The following SCN2A variants were observed in gnomAD, a reference collection of about 807,000 sequenced individuals.
SCN2A encodes the protein sodium voltage-gated channel alpha subunit 2.
Under a neutral mutation model 188.7 loss-of-function variants are expected in SCN2A, and 20 were observed. That is an observed-to-expected ratio of 0.11 (90% CI 0.07 to 0.15). The LOEUF (loss-of-function observed/expected upper bound fraction) is 0.15, where lower values mean the gene tolerates loss of function less well. Ranked by LOEUF, SCN2A falls within the 10% of genes least tolerant of loss-of-function variation. The pLI is 1.00. For synonymous variants in SCN2A, 804 were observed against 833.1 expected, an observed-to-expected ratio of 0.97 and a Z score of 0.60; for missense variants, 1,278 against 2,445.0, an observed-to-expected ratio of 0.52 and a Z score of 10.07.
intron 1 of SCN2A, among the ~76,000 whole-genome samples, chr2:165,259,129 G>C (rs1341833572): frequency 6.6e-6 from 1 of 152,112 alleles, no homozygotes; most frequent in Non-Finnish European, 1.5e-5. Context: ...AGTTTATTAA[G>C]TATGTAATAG....
chr2:165,315,041 A>G (rs988475702), intron 10 of SCN2A, among the ~76,000 whole-genome samples: 1 of 152,212 alleles, frequency 6.6e-6, no homozygotes, highest in Admixed American at 6.5e-5. Context: ...TGACTGAATT[A>G]CATTTAATAA....
chr2:165,298,465 G>C (rs985225772), intron 3 of SCN2A, among the ~76,000 whole-genome samples: 2 of 152,100 alleles, frequency 1.3e-5, no homozygotes, highest in African/African-American at 4.8e-5. Context: ...CCTCTAGGTT[G>C]TTCCTCTTCC....
At chr2:165,332,589 T>A (rs1698751185) in intron 14 of SCN2A, among the ~76,000 whole-genome samples, 1 of 152,068 alleles carries the variant, frequency 6.6e-6, no homozygotes, top group South Asian at 2.1e-4. Context: ...TTTCAGAGAC[T>A]ATCATAAGCT....
chr2:165,288,397 GC>G (rs1336962255), intron 1 of SCN2A, among the ~76,000 whole-genome samples: 1 of 122,144 alleles, frequency 8.2e-6, no homozygotes, highest in Non-Finnish European at 1.8e-5. Context: ...TTCTTGACAG[GC>G]TTTTTTTTTC....
At chr2:165,376,658 T>A (rs1433895034) in intron 22 of SCN2A, among the ~76,000 whole-genome samples, 1 of 151,812 alleles carries the variant, frequency 6.6e-6, no homozygotes, top group Non-Finnish European at 1.5e-5. Context: ...CCCTTCCTAC[T>A]CTGAGGAAAG....
At chr2:165,317,879 G>A (rs912883172) in intron 11 of SCN2A, among the ~76,000 whole-genome samples, 1 of 152,060 alleles carries the variant, frequency 6.6e-6, no homozygotes, top group Non-Finnish European at 1.5e-5. Flanking sequence ...TGTCTAAGAG[G>A]ATGGAGAGGG....
At chr2:165,291,345 GTCGT>G (rs200653522) in intron 1 of SCN2A, among the ~76,000 whole-genome samples, 23,157 of 102,876 alleles carry the variant, frequency 0.23, 4,045 homozygotes, top group Middle Eastern at 0.31. Context: ...GGACTTGTCT[GTCGT>G]TCGTTCCTTC....
chr2:165,258,159 C>G (rs1694414414), intron 1 of SCN2A, among the ~76,000 whole-genome samples: 1 of 152,076 alleles, frequency 6.6e-6, no homozygotes, highest in African/African-American at 2.4e-5. Context: ...TGCAGAAATT[C>G]TTAAATTTAA....
chr2:165,270,694 C>T (rs1298704234), intron 1 of SCN2A: 1 of 152,098 alleles, frequency 6.6e-6, no homozygotes, highest in Non-Finnish European at 1.5e-5. Context: ...TCAGGTCCTG[C>T]TTGGGTTTGG....
intron 14 of SCN2A, among the ~76,000 whole-genome samples, chr2:165,335,068 T>C (rs1698912209): frequency 6.6e-6 from 1 of 151,708 alleles, no homozygotes; most frequent in South Asian, 2.1e-4. Context: ...GTGAGATTTG[T>C]ACACTCAAAG....
intron 3 of SCN2A, among the ~76,000 whole-genome samples, chr2:165,299,268 A>T (rs1000397627): frequency 6.6e-6 from 1 of 152,110 alleles, no homozygotes; most frequent in Non-Finnish European, 1.5e-5. Flanking sequence ...TCCAGATACA[A>T]CTTGAATCTG....
chr2:165,360,327 G>A lies in SCN2A; in HGVS notation c.3400-4816G>A, dbSNP rs574933976. ...TGTCTAAAGAAAAACTATTCATCTG[G>A]CACATTCATATTTAGTAGTATTATT... On this transcript the variant is annotated intron_variant, in intron 17 of 26. Coordinates refer to ENST00000375437, the MANE Select transcript of SCN2A (RefSeq NM_001040142.2). Among the ~76,000 whole-genome samples the A allele has an allele frequency of 4.0e-5, 6 of 151,884 alleles. No individual in the cohort carries two copies. The East Asian group carries it at 9.7e-4, about 24-fold the overall frequency.
intron 20 of SCN2A, chr2:165,371,128 A>C (rs1164645741): frequency 2.0e-5 from 3 of 152,224 alleles, no homozygotes; most frequent in African/African-American, 7.2e-5. Flanking sequence ...TGGTAAATCC[A>C]TAATAAAAAT....
chr2:165,296,899 A>G (rs1266859053), intron 2 of SCN2A, 118 bp from the exon 3 acceptor site: 1 of 610,528 alleles, frequency 1.6e-6, no homozygotes, highest in Non-Finnish European at 2.9e-6. Flanking sequence ...GATGGTAATT[A>G]TTATGTTATA....
intron 3 of SCN2A, among the ~76,000 whole-genome samples, chr2:165,302,507 T>C (rs938517970): frequency 6.6e-6 from 1 of 152,230 alleles, no homozygotes; most frequent in African/African-American, 2.4e-5. Context: ...CAGAGCATAA[T>C]GTCTTTTCCT....
Position 165,331,337 on chromosome 2 carries a change from A to G in SCN2A, c.2157A>G (p.Glu719=), listed in dbSNP as rs779574574. The G allele has an allele frequency of 1.2e-6, 2 of 1,612,852 alleles. No homozygotes were observed. Among genetic ancestry groups the G allele is most frequent in the South Asian group, 1.1e-5 (1 of 91,056 alleles). The change falls in exon 14 of 27, where the codon GAA becomes GAG. Residue 719 remains glutamate (E), a synonymous_variant. Transcript: ENST00000375437. ...SILTNTMEEL[E]ESRQKCPPCW... is the part of the protein sequence containing the mutation. ...TAACTTTTTTTCTTCCAGAACTTGA[A>G]GAATCCAGACAGAAATGCCCACCAT...
At chr2:165,339,647 A>G (rs1699202228) in intron 14 of SCN2A, among the ~76,000 whole-genome samples, 1 of 152,202 alleles carries the variant, frequency 6.6e-6, no homozygotes, top group African/African-American at 2.4e-5. Context: ...CATGGCTGAG[A>G]ATAATTACAG....
chr2:165,386,960 A>G lies in SCN2A; in HGVS notation c.4766A>G (p.Tyr1589Cys), dbSNP rs1553463119. 1 of 1,613,722 alleles carries G rather than the reference A, an allele frequency of 6.2e-7. No homozygotes were observed. Among genetic ancestry groups the G allele is most frequent in the Non-Finnish European group, 8.5e-7 (1 of 1,179,796 alleles). The change falls in exon 26 of 27, where the codon TAT becomes TGT. Residue 1589 changes from tyrosine (Y) to cysteine (C), a missense_variant. Transcript: ENST00000375437. ...AAACTGATCTCTCTTCGTTACTACT[A>G]TTTCACTATTGGATGGAATATTTTT... ...VLKLISLRYY[Y>C]FTIGWNIFDF...
Position 165,386,930 on chromosome 2 carries a change from T to C in SCN2A, c.4736T>C (p.Val1579Ala), listed in dbSNP as rs1384116109. 3 of 1,613,934 alleles carry C rather than the reference T, an allele frequency of 1.9e-6. No homozygotes were observed. In the African/African-American group the frequency reaches 4.0e-5, roughly 22 times the overall value. The stretch of plus-strand genomic sequence containing the variant: ...ATTGTTCTGTTCACTGGAGAATGTG[T>C]GCTGAAACTGATCTCTCTTCGTTAC... Reference protein sequence around the residue: ...VFIVLFTGECVLKLISLRYYY... With the variant: ...VFIVLFTGECALKLISLRYYY... The change falls in exon 26 of 27, where the codon GTG becomes GCG. Residue 1579 changes from valine to alanine, a missense_variant. Coordinates refer to ENST00000375437, the MANE Select transcript of SCN2A (RefSeq NM_001040142.2).
Sources: allele counts gnomAD v4.1 joint callset (sites outside exome capture counted in the v4.1 genomes callset), GRCh38; gene constraint gnomAD v4.1.1; transcripts MANE v1.5; gene names NCBI Gene and HGNC (gene_info 2026-07-23, HGNC 2026-07-21).